ATP2C1: variants seen among roughly 807,000 people sequenced by gnomAD.
ATP2C1 encodes ATPase secretory pathway Ca2+ transporting 1.
A neutral mutation model predicts 120.5 loss-of-function variants in ATP2C1; 31 were observed. The observed-to-expected ratio is 0.26, with a 90% CI of 0.19 to 0.35. The LOEUF (loss-of-function observed/expected upper bound fraction) is 0.35, where lower values mean the gene tolerates loss of function less well. Among genes scored for constraint, ATP2C1 ranks in the 10% least tolerant of loss-of-function variants. The pLI is 1.00. For missense variants in ATP2C1, 731 were observed against 1,107.5 expected (o/e 0.66, Z 4.83); for synonymous variants, 351 against 358.7 (o/e 0.98, Z 0.24).
At chr3:130,865,742 C>T (rs1442633075) in intron 1 of ATP2C1, among the ~76,000 whole-genome samples, 1 of 152,184 alleles carries the variant, frequency 6.6e-6, no homozygotes, top group African/African-American at 2.4e-5. Context: ...CCTTTCACTT[C>T]CCGCCATGTT....
At chr3:130,873,019 G>C (rs952223041) in intron 1 of ATP2C1, among the ~76,000 whole-genome samples, 1 of 152,160 alleles carries the variant, frequency 6.6e-6, no homozygotes, top group Non-Finnish European at 1.5e-5. Flanking sequence ...TTGACTAAGA[G>C]TGACTAAGAA....
At chr3:130,930,330 T>C in intron 2 of ATP2C1, 86 bp from the exon 3 acceptor site, 1 of 854,434 alleles carries the variant, frequency 1.2e-6, no homozygotes, top group Admixed American at 1.9e-5. Flanking sequence ...AATTAGTTGC[T>C]GTGAACTTTT....
chr3:130,955,214 T>C lies in ATP2C1; in HGVS notation c.756+134T>C, dbSNP rs1220367916. Reference sequence around the variant, plus strand: ...AGAATGGAAATCAGTTGTCTCTGTTTAGAAACATAATTGGAAAGCCTGTAA... The same window carrying C: ...AGAATGGAAATCAGTTGTCTCTGTTCAGAAACATAATTGGAAAGCCTGTAA... On this transcript the variant is annotated intron_variant, in intron 10 of 27. Transcript: ENST00000510168. The C allele has an allele frequency of 1.1e-5, 8 of 703,916 alleles. No individual in the cohort carries two copies. The East Asian group carries it at 1.9e-4, about 17-fold the overall frequency. 43.6% of individuals were successfully genotyped at this position (703,916 alleles called of 1,614,324 possible).
chr3:130,953,994 T>C lies in ATP2C1; in HGVS notation c.687+18T>C. On this transcript the variant is annotated intron_variant, in intron 9 of 27. Coordinates refer to ENST00000510168, the MANE Select transcript of ATP2C1 (RefSeq NM_001378687.1). ...AAGCAAAGGTAAATTTTTTTCCTGA[T>C]TTGAAAAAAGCAGTTCCTTTGTTTG... is the stretch of plus-strand genomic sequence containing the variant. 6.2e-7 allele frequency: 1 copy of C among 1,613,652 alleles called. No individual in the cohort carries two copies. The highest frequency in any genetic ancestry group is 8.5e-7 in the Non-Finnish European group (1 of 1,179,650).
chr3:130,935,551 A>G (rs1415317809), intron 5 of ATP2C1, among the ~76,000 whole-genome samples: 2 of 152,210 alleles, frequency 1.3e-5, no homozygotes, highest in Non-Finnish European at 2.9e-5. Flanking sequence ...CTCTTGAACT[A>G]TTGCTTGCAG....
intron 24 of ATP2C1, 92 bp from the exon 25 acceptor site, chr3:130,997,514 T>A: frequency 8.3e-7 from 1 of 1,205,606 alleles, no homozygotes; most frequent in Non-Finnish European, 1.2e-6. Context: ...AAGCATTTAG[T>A]TTGCCGAATA....
chr3:131,001,543 A>G lies in ATP2C1; in HGVS notation c.*193A>G. On this transcript the variant is annotated 3_prime_UTR_variant, in exon 28 of 28. Coordinates refer to ENST00000510168, the MANE Select transcript of ATP2C1 (RefSeq NM_001378687.1). ...TGAAATTATGCAACTTTGATATCAT[A>G]TTCCTTGATTTAAATTGGCTTTTGT... 1 of 1,294,706 alleles carries G rather than the reference A, an allele frequency of 7.7e-7. No individual in the cohort carries two copies. Among genetic ancestry groups the G allele is most frequent in the Non-Finnish European group, 9.8e-7 (1 of 1,016,564 alleles). 80.2% of individuals were successfully genotyped at this position (1,294,706 alleles called of 1,614,324 possible).
In ATP2C1 at chr3:130,860,657, C is replaced by T. The variant is rs147512979; in HGVS notation, c.108+9729C>T. ...AAATGATGACTCTGAGATTTTAGCT[C>T]CAGGTTTGTCTGTTTGACCTCAAAG... On this transcript the variant is annotated intron_variant, in intron 1 of 26. Transcript: ENST00000504381. 7.9e-5 allele frequency among the ~76,000 whole-genome samples: 12 copies of T among 152,278 alleles called. No individual in the cohort carries two copies. In the East Asian group the frequency reaches 2.3e-3, roughly 29 times the overall value.
intron 2 of ATP2C1, among the ~76,000 whole-genome samples, chr3:130,926,723 GTC>G (rs1453921007): frequency 2.0e-5 from 3 of 152,240 alleles, no homozygotes; most frequent in African/African-American, 7.2e-5. Flanking sequence ...CACATACCAG[GTC>G]TCTCAGCCCT....
chr3:130,858,768 T>C (rs917345141), intron 1 of ATP2C1, among the ~76,000 whole-genome samples: 13 of 152,200 alleles, frequency 8.5e-5, no homozygotes, highest in Admixed American at 7.9e-4. Context: ...TATATGTGTT[T>C]GTGTATGTGT....
At chr3:130,961,074 T>C (rs533881956) in intron 12 of ATP2C1, among the ~76,000 whole-genome samples, 3 of 152,106 alleles carry the variant, frequency 2.0e-5, no homozygotes, top group Admixed American at 6.6e-5. Flanking sequence ...TGAAAGAATG[T>C]GTTTTTTTTT....
At chr3:130,926,365 A>G (rs183181559) in intron 2 of ATP2C1, among the ~76,000 whole-genome samples, 1 of 152,320 alleles carries the variant, frequency 6.6e-6, no homozygotes. Flanking sequence ...CAAACACAAA[A>G]ACTGGATAGC....
chr3:130,879,474 G>A (rs2068714440), intron 1 of ATP2C1, among the ~76,000 whole-genome samples: 1 of 151,928 alleles, frequency 6.6e-6, no homozygotes, highest in Non-Finnish European at 1.5e-5. Context: ...ATCTGTATTT[G>A]TTTGCATTTC....
intron 1 of ATP2C1, among the ~76,000 whole-genome samples, chr3:130,859,759 C>G (rs2067957592): frequency 6.6e-6 from 1 of 152,208 alleles, no homozygotes; most frequent in South Asian, 2.1e-4. Flanking sequence ...TAAAATTTTT[C>G]TAACCTACTG....
chr3:130,958,363 C>T (rs2060672326), intron 11 of ATP2C1, among the ~76,000 whole-genome samples: 1 of 151,924 alleles, frequency 6.6e-6, no homozygotes, highest in Non-Finnish European at 1.5e-5. Flanking sequence ...TGGCTATGTT[C>T]CAACAAATTT....
intron 1 of ATP2C1, among the ~76,000 whole-genome samples, chr3:130,870,321 C>T (rs1049938551): frequency 6.6e-6 from 1 of 152,214 alleles, no homozygotes; most frequent in Non-Finnish European, 1.5e-5. Flanking sequence ...TTTTAACTTT[C>T]AAGTCTTATT....
At chr3:130,934,852 G>A in intron 5 of ATP2C1, 141 bp downstream of exon 5, 1 of 678,890 alleles carries the variant, frequency 1.5e-6, no homozygotes, top group Non-Finnish European at 2.6e-6. Flanking sequence ...TCTTTTTGTT[G>A]CGACAGTTTC....
chr3:131,005,307 A>G (rs1244033305), downstream of ATP2C1, among the ~76,000 whole-genome samples: 1 of 151,846 alleles, frequency 6.6e-6, no homozygotes, highest in Non-Finnish European at 1.5e-5. Context: ...CGGTAGAGGC[A>G]GGGTTTCACC....
At chr3:130,867,434 C>A (rs1012861352) in intron 1 of ATP2C1, among the ~76,000 whole-genome samples, 1 of 145,322 alleles carries the variant, frequency 6.9e-6, no homozygotes, top group Non-Finnish European at 1.5e-5. Flanking sequence ...CTCAGCCTGC[C>A]GAGTGCCGCC....
Sources: gnomAD v4.1 joint callset for allele counts (sites outside exome capture counted in the v4.1 genomes callset) on GRCh38, gnomAD v4.1.1 for gene constraint, MANE v1.5 for transcripts, NCBI Gene and HGNC (gene_info 2026-07-23, HGNC 2026-07-21) for gene names.